The following NHSL1 variants were observed in gnomAD, a reference collection of about 807,000 sequenced individuals.
NHSL1 encodes the protein NHS like 1.
A neutral mutation model predicts 95.0 loss-of-function variants in NHSL1; 48 were observed. The ratio of observed to expected loss-of-function variants is 0.51; its 90% CI spans 0.40 to 0.64. The LOEUF is 0.64. Ranked by LOEUF, NHSL1 falls within the 30% of genes least tolerant of loss-of-function variation. The probability of loss-of-function intolerance (pLI) is 0.00; values close to 1 mark genes in which losing one functional copy is unlikely to be tolerated. For missense variants in NHSL1, 1,971 were observed against 2,077.7 expected (o/e 0.95, Z 1.00); for synonymous variants, 783 against 833.9 (o/e 0.94, Z 1.05).
rs577825496 is a variant in NHSL1, at chr6:138,692,122, T to A, written c.96+354A>T. 2.2e-6 allele frequency: 1 copy of A among 449,664 alleles called. No homozygotes were observed. The highest frequency in any genetic ancestry group is 4.4e-6 in the Non-Finnish European group (1 of 226,518). 27.9% of individuals were successfully genotyped at this position (449,664 alleles called of 1,614,324 possible). On this transcript the variant is annotated intron_variant, in intron 1 of 3. Coordinates refer to the NHSL1 transcript ENST00000491526. This position sits in a 1 kb window ranked among gnomAD's most constrained non-coding sequence, Gnocchi z 4.0. ...GCTTTTCCAACAGGCTACCTGCCTG[T>A]GACAGTTTTCCCACGAACTTGGCTC...
intron 1 of NHSL1, among the ~76,000 whole-genome samples, chr6:138,689,154 A>G (rs1265029345): frequency 6.6e-6 from 1 of 152,190 alleles, no homozygotes; most frequent in Admixed American, 6.5e-5. Flanking sequence ...TATTAATTCA[A>G]TTCAAACATC....
At chr6:138,536,841 C>G (rs1396462812) in intron 1 of NHSL1, among the ~76,000 whole-genome samples, 1 of 152,052 alleles carries the variant, frequency 6.6e-6, no homozygotes. Flanking sequence ...AAACTTCCAT[C>G]GTAATTTACT....
At chr6:138,589,559 G>T (rs1486781680) in intron 1 of NHSL1, among the ~76,000 whole-genome samples, 1 of 152,160 alleles carries the variant, frequency 6.6e-6, no homozygotes, top group Non-Finnish European at 1.5e-5. Flanking sequence ...TCAGCACACA[G>T]AGGGTTCAGT....
chr6:138,453,596 G>C lies in NHSL1; in HGVS notation c.340-6403C>G, dbSNP rs148505527. 6.6e-3 allele frequency among the ~76,000 whole-genome samples: 1,001 copies of C among 152,178 alleles called. 14 individuals are homozygous for C. The highest frequency in any genetic ancestry group is 0.024 in the African/African-American group (976 of 41,514). ...GGGTCTCACTCTGTTACCCAGGCTAGAGTGCAGTGGCAGAATCACAACTCA... is the reference window on the plus strand; with the variant it reads ...GGGTCTCACTCTGTTACCCAGGCTACAGTGCAGTGGCAGAATCACAACTCA... On this transcript the variant is annotated intron_variant, in intron 3 of 7. Transcript: ENST00000343505.
chr6:138,596,979 C>A (rs546487498), intron 1 of NHSL1, among the ~76,000 whole-genome samples: 1 of 152,104 alleles, frequency 6.6e-6, no homozygotes, highest in African/African-American at 2.4e-5. Context: ...GCCCACGTGG[C>A]AAAACCCTGT....
chr6:138,446,180 C>T (rs927436460), intron 4 of NHSL1, among the ~76,000 whole-genome samples: 3 of 152,064 alleles, frequency 2.0e-5, no homozygotes, highest in South Asian at 2.1e-4. Flanking sequence ...TGGGATTACA[C>T]GCACGTGCCA....
In NHSL1 at chr6:138,432,137, G is replaced by C; in HGVS notation, c.2208C>G (p.Ser736=). ...CAGCACTAACTGTGCTCTGGCTCCG[G>C]GAGCGGGGCAGCCAGGGCTCTTCCA... ...SDLEEPWLPR[S]RSQSTVSAGS... Residue 736 remains serine (S), a synonymous_variant, in exon 6 of 8, where the codon TCC becomes TCG. Coordinates refer to ENST00000343505, the MANE Select transcript of NHSL1 (RefSeq NM_001144060.2). This position sits in a 1 kb window ranked among gnomAD's most constrained non-coding sequence, Gnocchi z 4.4. The C allele has an allele frequency of 6.5e-7, 1 of 1,549,618 alleles. No homozygotes were observed. Among genetic ancestry groups the C allele is most frequent in the South Asian group, 1.2e-5 (1 of 83,956 alleles).
intron 3 of NHSL1, among the ~76,000 whole-genome samples, chr6:138,451,978 T>A (rs372752611): frequency 1.3e-4 from 20 of 152,340 alleles, no homozygotes; most frequent in Middle Eastern, 3.4e-3. Flanking sequence ...GAGAACAGAA[T>A]GACCCAAGTA....
At chr6:138,559,003 T>C (rs1257063712) in intron 1 of NHSL1, among the ~76,000 whole-genome samples, 1 of 151,430 alleles carries the variant, frequency 6.6e-6, no homozygotes, top group East Asian at 1.9e-4. Context: ...AACCTATGAG[T>C]GCACCACTGC....
At chr6:138,675,432 C>A (rs1451216421) in intron 1 of NHSL1, among the ~76,000 whole-genome samples, 2 of 152,178 alleles carry the variant, frequency 1.3e-5, no homozygotes, top group African/African-American at 2.4e-5. Flanking sequence ...CAGGGTCACA[C>A]AGCTTAGGGA....
At chr6:138,542,633 A>AAAAAT (rs1782627321) in intron 1 of NHSL1, among the ~76,000 whole-genome samples, 1 of 152,264 alleles carries the variant, frequency 6.6e-6, no homozygotes, top group Non-Finnish European at 1.5e-5. Context: ...CTGCAAAGAT[A>AAAAAT]ATTAGTATTT....
intron 1 of NHSL1, among the ~76,000 whole-genome samples, chr6:138,618,492 G>C (rs1784611171): frequency 6.6e-6 from 1 of 152,164 alleles, no homozygotes; most frequent in Admixed American, 6.5e-5. Context: ...TGAGAGCAAC[G>C]GTTTTTCTGA....
chr6:138,517,856 C>G (rs1233799600), intron 1 of NHSL1, among the ~76,000 whole-genome samples: 1 of 152,180 alleles, frequency 6.6e-6, no homozygotes, highest in Non-Finnish European at 1.5e-5. Flanking sequence ...CCAGTAGATC[C>G]AGACAACCTA....
intron 5 of NHSL1, among the ~76,000 whole-genome samples, chr6:138,437,439 C>A (rs865790820): frequency 0.032 from 1,078 of 33,738 alleles, 39 homozygotes; most frequent in Non-Finnish European, 0.047. Flanking sequence ...CACACACACA[C>A]ACACACAAAA....
chr6:138,510,489 T>A (rs1037588613), intron 1 of NHSL1, among the ~76,000 whole-genome samples: 1 of 152,226 alleles, frequency 6.6e-6, no homozygotes, highest in Non-Finnish European at 1.5e-5. Context: ...TTCATTGTCC[T>A]AAACTACAGA....
rs1775768378 is a variant in NHSL1, at chr6:138,432,539, C to G, written c.1806G>C (p.Glu602Asp). ...CAGATGCACAGTAGCCATCGTGGTC[C>G]TCAGAATACAGCGACCCAGCATCCT... ...NKEDAGSLYSEDHDGYCASVH... is the reference protein window; with the variant it reads ...NKEDAGSLYSDDHDGYCASVH... The change falls in exon 6 of 8, where the codon GAG becomes GAC. Residue 602 changes from glutamate to aspartate, a missense_variant. Around this residue, in one of 3 missense-constraint regions of NHSL1, gnomAD observed 1,602 missense variants for 1,654.5 expected, o/e 0.97. Transcript: ENST00000343505. The surrounding 1 kb of genome is among the most constrained non-coding windows in gnomAD (Gnocchi z 4.4). 1.2e-5 allele frequency: 18 copies of G among 1,552,024 alleles called. No individual in the cohort carries two copies. Among genetic ancestry groups the G allele is most frequent in the Non-Finnish European group, 1.5e-5 (17 of 1,147,098 alleles).
intron 1 of NHSL1, among the ~76,000 whole-genome samples, chr6:138,641,881 A>G (rs996248091): frequency 5.9e-5 from 9 of 152,136 alleles, no homozygotes; most frequent in Admixed American, 1.3e-4. Flanking sequence ...TTCGATTTCT[A>G]TAAATATTTC....
At chr6:138,491,947 A>G (rs1047845684) in intron 2 of NHSL1, among the ~76,000 whole-genome samples, 6 of 152,188 alleles carry the variant, frequency 3.9e-5, no homozygotes, top group African/African-American at 1.2e-4. Flanking sequence ...TAATTTTCAG[A>G]TTAGGGATGT....
intron 1 of NHSL1, among the ~76,000 whole-genome samples, chr6:138,536,302 T>A (rs911848775): frequency 2.0e-5 from 3 of 152,210 alleles, no homozygotes; most frequent in Non-Finnish European, 4.4e-5. Context: ...AAGTGTGTTA[T>A]CGTAAGTCAA....
Sources: gnomAD v4.1 joint callset for allele counts (sites outside exome capture counted in the v4.1 genomes callset) on GRCh38, gnomAD v4.1.1 for gene constraint, gnomAD v4.1.1 regional missense constraint, Gnocchi (gnomAD v3.1) non-coding constraint, MANE v1.5 for transcripts, NCBI Gene and HGNC (gene_info 2026-07-23, HGNC 2026-07-21) for gene names.